FBXO4: variants seen among roughly 807,000 people sequenced by gnomAD.
FBXO4 encodes F-box only protein 4.
In FBXO4, 36 loss-of-function variants were observed where a neutral mutation model predicts 43.7. The ratio of observed to expected loss-of-function variants is 0.82; its 90% CI spans 0.63 to 1.09. FBXO4 has a LOEUF of 1.09. Among genes scored for constraint, FBXO4 ranks in the 50% least tolerant of loss-of-function variants. The pLI is 0.00. For missense variants in FBXO4, 435 were observed against 474.1 expected (o/e 0.92, Z 0.77); for synonymous variants, 180 against 165.6 (o/e 1.09, Z -0.67).
At chr5:41,965,702 A>C in the FBXO4 span, among the ~76,000 whole-genome samples, 1 of 152,144 alleles carries the variant, frequency 6.6e-6, no homozygotes, top group African/African-American at 2.4e-5. Context: ...AATAGGAGCA[A>C]TTTTACACTG....
the FBXO4 span, among the ~76,000 whole-genome samples, chr5:41,956,825 G>T: frequency 1.3e-5 from 2 of 150,318 alleles, no homozygotes; most frequent in South Asian, 4.2e-4. Flanking sequence ...TGATTCTCCT[G>T]CCTCAGCCTC....
chr5:41,934,084 A>C (rs1030627300), intron 4 of FBXO4, 49 bp from the exon 5 acceptor site: 4 of 1,611,612 alleles, frequency 2.5e-6, no homozygotes, highest in Non-Finnish European at 3.4e-6. Flanking sequence ...AGGTGAGTGG[A>C]GCCTGTTTAG....
the FBXO4 span, among the ~76,000 whole-genome samples, chr5:42,021,574 T>C: frequency 6.6e-6 from 1 of 152,142 alleles, no homozygotes; most frequent in Non-Finnish European, 1.5e-5. Flanking sequence ...CAAGAAGTCA[T>C]GGTTACAATT....
the FBXO4 span, among the ~76,000 whole-genome samples, chr5:41,965,102 G>A: frequency 6.6e-6 from 1 of 152,110 alleles, no homozygotes; most frequent in African/African-American, 2.4e-5. Flanking sequence ...TTCTACATAT[G>A]GCTAGCCAGT....
downstream of FBXO4, among the ~76,000 whole-genome samples, chr5:41,946,147 G>T (rs1752074761): frequency 6.6e-6 from 1 of 152,164 alleles, no homozygotes; most frequent in African/African-American, 2.4e-5. Context: ...GGGACCAAAA[G>T]GTGGTGACAC....
chr5:41,939,571 T>G lies in FBXO4; in HGVS notation c.1029T>G (p.Tyr343Ter), dbSNP rs1303230897. 3.7e-6 allele frequency: 6 copies of G among 1,613,856 alleles called. No homozygotes were observed. The highest frequency in any genetic ancestry group is 1.7e-5 in the Admixed American group (1 of 60,020). ...ATGTAAAAAGAATGCCCTGTTTTTA[T>G]TTGGCTCATGAGCTGCATCTGAATC... The part of the protein sequence containing the change: ...QGDVKRMPCF[Y>*]LAHELHLNLL... The change falls in exon 6 of 7, where the codon TAT becomes TAG. Residue 343 changes from tyrosine to a stop codon, truncating the protein, a stop_gained. Coordinates refer to ENST00000281623, the MANE Select transcript of FBXO4 (RefSeq NM_012176.3). LOFTEE classifies it high-confidence loss of function.
intron 5 of FBXO4, 75 bp from the exon 6 acceptor site, chr5:41,939,366 G>C: frequency 7.4e-7 from 1 of 1,354,262 alleles, no homozygotes; most frequent in Non-Finnish European, 1.0e-6. Context: ...CCCTCGCTTT[G>C]TTAGTTTTTT....
In FBXO4 at chr5:41,941,275, A is replaced by C. The variant is rs1190195350; in HGVS notation, c.1158A>C (p.Ala386=). 6.2e-7 allele frequency: 1 copy of C among 1,612,870 alleles called. No individual in the cohort carries two copies. The highest frequency in any genetic ancestry group is 8.5e-7 in the Non-Finnish European group (1 of 1,179,060). ...WILEEVESKR[A]R ...TTGAAGAAGTGGAATCTAAGCGTGC[A>C]AGATGATTCTCTTTTCAGATCTTGG... Residue 386 remains alanine, a synonymous_variant, in exon 7 of 7, where the codon GCA becomes GCC. Coordinates refer to ENST00000281623, the MANE Select transcript of FBXO4 (RefSeq NM_012176.3).
chr5:41,930,015 A>G (rs1751633438), intron 3 of FBXO4, 98 bp downstream of exon 3: 5 of 1,024,852 alleles, frequency 4.9e-6, no homozygotes, highest in Non-Finnish European at 5.7e-6. Context: ...ATTTGCTATA[A>G]TGAAGTACAG....
chr5:41,996,348 G>A, the FBXO4 span, among the ~76,000 whole-genome samples: 2 of 152,284 alleles, frequency 1.3e-5, no homozygotes, highest in South Asian at 4.1e-4. Context: ...TTCCACCAAA[G>A]CCCAGTAACA....
the FBXO4 span, among the ~76,000 whole-genome samples, chr5:42,032,203 C>G: frequency 6.6e-6 from 1 of 151,960 alleles, no homozygotes; most frequent in African/African-American, 2.4e-5. Context: ...AGCACTATTT[C>G]TCACCCAAGG....
chr5:41,935,633 G>T (rs1226894330), intron 5 of FBXO4, among the ~76,000 whole-genome samples: 2 of 152,228 alleles, frequency 1.3e-5, no homozygotes, highest in African/African-American at 4.8e-5. Context: ...GCAGAATTCA[G>T]CAGTCATGCT....
chr5:41,942,246 G>A (rs1038781360), downstream of FBXO4, among the ~76,000 whole-genome samples: 30 of 152,040 alleles, frequency 2.0e-4, 1 homozygote, highest in African/African-American at 7.2e-4. Context: ...GGAGACCTTC[G>A]AGAAAGACCT....
At chr5:41,978,108 T>C in the FBXO4 span, among the ~76,000 whole-genome samples, 73 of 152,140 alleles carry the variant, frequency 4.8e-4, no homozygotes, top group Middle Eastern at 3.2e-3. Flanking sequence ...CCTAAGTTGA[T>C]GGGAAGCCAG....
chr5:41,991,407 T>A, the FBXO4 span, among the ~76,000 whole-genome samples: 30 of 152,348 alleles, frequency 2.0e-4, 1 homozygote, highest in African/African-American at 7.2e-4. Context: ...ATTCCTGCTC[T>A]TTTCTCTGCT....
chr5:41,977,300 A>G, the FBXO4 span, among the ~76,000 whole-genome samples: 1 of 152,128 alleles, frequency 6.6e-6, no homozygotes, highest in Admixed American at 6.6e-5. Context: ...TCTCCTGAAA[A>G]TGCTTTTTTT....
At chr5:42,020,388 A>G in the FBXO4 span, among the ~76,000 whole-genome samples, 1 of 152,190 alleles carries the variant, frequency 6.6e-6, no homozygotes, top group African/African-American at 2.4e-5. Flanking sequence ...GTAAAATTAG[A>G]AAACAAAATA....
At chr5:41,988,830 C>G in the FBXO4 span, among the ~76,000 whole-genome samples, 1 of 151,974 alleles carries the variant, frequency 6.6e-6, no homozygotes, top group African/African-American at 2.4e-5. Flanking sequence ...CACTGCTTCA[C>G]CAAAACTCAG....
chr5:41,948,442 GCTA>G, the FBXO4 span, among the ~76,000 whole-genome samples: 2 of 152,022 alleles, frequency 1.3e-5, no homozygotes, highest in South Asian at 4.1e-4. Flanking sequence ...GCCACTAGTG[GCTA>G]CTATCTTAAA....
Sources: gnomAD v4.1 joint callset for allele counts (sites outside exome capture counted in the v4.1 genomes callset) on GRCh38, gnomAD v4.1.1 for gene constraint, MANE v1.5 for transcripts, NCBI Gene and HGNC (gene_info 2026-07-23, HGNC 2026-07-21) for gene names.